Variants in CCNY observed in about 807,000 individuals in gnomAD.
The protein encoded by CCNY is cyclin Y.
In CCNY, 19 loss-of-function variants were observed where a neutral mutation model predicts 42.8. That is an observed-to-expected ratio of 0.44 (90% CI 0.31 to 0.65). The LOEUF is 0.65. Ranked by LOEUF, CCNY falls within the 30% of genes least tolerant of loss-of-function variation. The pLI, the probability that CCNY is intolerant of heterozygous loss-of-function variation, is 0.07. For missense variants in CCNY, 370 were observed against 437.3 expected, an observed-to-expected ratio of 0.85 and a Z score of 1.37; for synonymous variants, 165 against 162.7, an observed-to-expected ratio of 1.01 and a Z score of -0.11.
chr10:35,504,086 CTTT>C (rs1840166772), intron 3 of CCNY, among the ~76,000 whole-genome samples: 1 of 152,090 alleles, frequency 6.6e-6, no homozygotes. Flanking sequence ...GATGTTGTTT[CTTT>C]AATTTCTCTT....
chr10:35,466,016 AG>A (rs1020815444), intron 1 of CCNY, among the ~76,000 whole-genome samples: 2 of 151,784 alleles, frequency 1.3e-5, no homozygotes, highest in East Asian at 3.9e-4. Flanking sequence ...CTTGAGAGCG[AG>A]GACTGGATCT....
At chr10:35,301,142 A>G (rs1056042384) in intron 3 of CCNY, among the ~76,000 whole-genome samples, 10 of 152,194 alleles carry the variant, frequency 6.6e-5, no homozygotes, top group African/African-American at 2.4e-4. Context: ...AAGATGCTTT[A>G]GAGAGATCAC....
chr10:35,384,013 A>G (rs922669014), intron 1 of CCNY, among the ~76,000 whole-genome samples: 1 of 152,064 alleles, frequency 6.6e-6, no homozygotes, highest in African/African-American at 2.4e-5. Context: ...TGTTCTGTTA[A>G]ACACATTTTC....
At chr10:35,393,774 T>C (rs1286800724) in intron 1 of CCNY, among the ~76,000 whole-genome samples, 2 of 152,104 alleles carry the variant, frequency 1.3e-5, no homozygotes, top group African/African-American at 4.8e-5. Flanking sequence ...AAAGGGCAGA[T>C]GGCTGTGTGT....
chr10:35,354,066 C>G (rs535253405), intron 1 of CCNY, among the ~76,000 whole-genome samples: 1 of 152,236 alleles, frequency 6.6e-6, no homozygotes, highest in East Asian at 1.9e-4. Flanking sequence ...TGGCTGGATA[C>G]ATCAGTTTCC....
chr10:35,311,493 A>G (rs1238250033), intron 3 of CCNY, among the ~76,000 whole-genome samples: 5 of 152,048 alleles, frequency 3.3e-5, no homozygotes, highest in Non-Finnish European at 5.9e-5. Context: ...TGTGGGCAAA[A>G]TGGCCAGACC....
At chr10:35,273,764 T>A (rs1205096818) in intron 3 of CCNY, among the ~76,000 whole-genome samples, 1 of 152,222 alleles carries the variant, frequency 6.6e-6, no homozygotes, top group Non-Finnish European at 1.5e-5. Context: ...CATAGCCTTG[T>A]TCCCAAACCA....
chr10:35,467,300 G>A (rs1453764077), intron 1 of CCNY, among the ~76,000 whole-genome samples: 1 of 152,028 alleles, frequency 6.6e-6, no homozygotes, highest in Non-Finnish European at 1.5e-5. Flanking sequence ...GTCATTATTA[G>A]TATGCTAATT....
intron 1 of CCNY, among the ~76,000 whole-genome samples, chr10:35,394,394 G>C (rs1400394163): frequency 6.6e-6 from 1 of 152,202 alleles, no homozygotes; most frequent in Non-Finnish European, 1.5e-5. Context: ...ATTTCGCGCT[G>C]TGAAAAGCCT....
At chr10:35,505,689 A>G (rs1840201460) in intron 3 of CCNY, among the ~76,000 whole-genome samples, 1 of 152,254 alleles carries the variant, frequency 6.6e-6, no homozygotes, top group Non-Finnish European at 1.5e-5. Context: ...CAGCCTAATT[A>G]TAACACCATA....
At chr10:35,495,825 G>T (rs1377958827) in intron 2 of CCNY, among the ~76,000 whole-genome samples, 2 of 152,160 alleles carry the variant, frequency 1.3e-5, no homozygotes, top group African/African-American at 4.8e-5. Flanking sequence ...GTCAGGGCAG[G>T]AGCTCAGCAG....
intron 1 of CCNY, among the ~76,000 whole-genome samples, chr10:35,480,721 C>T (rs931774941): frequency 1.2e-4 from 19 of 152,198 alleles, no homozygotes; most frequent in East Asian, 5.8e-4. Context: ...TCCCCCAGCA[C>T]TTTGGGAGGC....
At chr10:35,405,136 C>G (rs1274666882) in intron 1 of CCNY, among the ~76,000 whole-genome samples, 1 of 152,154 alleles carries the variant, frequency 6.6e-6, no homozygotes, top group Non-Finnish European at 1.5e-5. Flanking sequence ...AAAGCCTTGT[C>G]TGGTTTTTGG....
chr10:35,341,907 G>A (rs1167427990), intron 1 of CCNY, among the ~76,000 whole-genome samples: 1 of 152,086 alleles, frequency 6.6e-6, no homozygotes, highest in Admixed American at 6.6e-5. Context: ...TTCTTTCAAC[G>A]AATGACTTTA....
chr10:35,501,511 A>C lies in CCNY; in HGVS notation c.240A>C (p.Lys80Asn). 1 of 1,613,836 alleles carries C rather than the reference A, an allele frequency of 6.2e-7. No homozygotes were observed. Among genetic ancestry groups the C allele is most frequent in the Non-Finnish European group, 8.5e-7 (1 of 1,179,680 alleles). ...LSKSQTDVRE[K>N]RKSLFINHHP... ...CTTTTGTTTTCACAGTGAGAGAAAA[A>C]CGCAAGAGTCTCTTCATTAACCATG... is the stretch of plus-strand genomic sequence containing the variant. The change falls in exon 3 of 10, where the codon AAA becomes AAC. Residue 80 changes from lysine to asparagine, a missense_variant. Coordinates refer to ENST00000374704, the MANE Select transcript of CCNY (RefSeq NM_145012.6).
chr10:35,253,212 A>G (rs1189463804), intron 3 of CCNY, among the ~76,000 whole-genome samples: 1 of 152,140 alleles, frequency 6.6e-6, no homozygotes, highest in African/African-American at 2.4e-5. Context: ...TGAATTTTAA[A>G]AAAACTTTGT....
intron 1 of CCNY, among the ~76,000 whole-genome samples, chr10:35,466,031 A>G (rs951974968): frequency 1.3e-5 from 2 of 151,862 alleles, no homozygotes; most frequent in Non-Finnish European, 2.9e-5. Context: ...TGGATCTGAA[A>G]TACCTCTCTG....
At chr10:35,470,941 G>A (rs1839379793) in intron 1 of CCNY, among the ~76,000 whole-genome samples, 1 of 152,200 alleles carries the variant, frequency 6.6e-6, no homozygotes, top group South Asian at 2.1e-4. Flanking sequence ...ATTTGGAAAT[G>A]TGACTACCTA....
intron 7 of CCNY, among the ~76,000 whole-genome samples, chr10:35,536,522 G>A (rs1283768276): frequency 6.6e-6 from 1 of 152,168 alleles, no homozygotes; most frequent in Non-Finnish European, 1.5e-5. Context: ...GGGAAAATTT[G>A]GAACTTACTA....
Sources: allele counts gnomAD v4.1 joint callset (sites outside exome capture counted in the v4.1 genomes callset), GRCh38; gene constraint gnomAD v4.1.1; transcripts MANE v1.5; gene names NCBI Gene and HGNC (gene_info 2026-07-23, HGNC 2026-07-21).